Variants in MACROD2 observed in about 807,000 individuals in gnomAD.
The protein encoded by MACROD2 is mono-ADP ribosylhydrolase 2, also known as ADP-ribose glycohydrolase MACROD2.
Under a neutral mutation model 70.4 loss-of-function variants are expected in MACROD2, and 36 were observed. The observed-to-expected ratio is 0.51, with a 90% CI of 0.39 to 0.68. The LOEUF is 0.68. Ranked by LOEUF, MACROD2 falls within the 30% of genes least tolerant of loss-of-function variation. The pLI is 0.00. For missense variants in MACROD2, 496 were observed against 538.4 expected (o/e 0.92, Z 0.78); for synonymous variants, 172 against 178.8 (o/e 0.96, Z 0.30).
Position 14,890,621 on chromosome 20 carries a change from G to A in MACROD2, c.418+205662G>A, listed in dbSNP as rs183627433. 3.1e-3 allele frequency among the ~76,000 whole-genome samples: 471 copies of A among 151,950 alleles called. 3 individuals are homozygous for A. Among genetic ancestry groups the A allele is most frequent in the Admixed American group, 5.5e-3 (84 of 15,230 alleles). ...CCATCTCTATTTAAAAAATAGCCAG[G>A]CATGGTGGCACATTCCTGTCATCCC... On this transcript the variant is annotated intron_variant, in intron 5 of 17. Transcript: ENST00000684519.
intron 4 of MACROD2, among the ~76,000 whole-genome samples, chr20:14,561,377 C>T (rs1979420864): frequency 6.6e-6 from 1 of 151,590 alleles, no homozygotes; most frequent in Non-Finnish European, 1.5e-5. Context: ...GAGTAGAAAC[C>T]ACTGTAAGCT....
intron 5 of MACROD2, among the ~76,000 whole-genome samples, chr20:15,226,364 A>G (rs2076906051): frequency 6.6e-6 from 1 of 152,134 alleles, no homozygotes; most frequent in African/African-American, 2.4e-5. Context: ...GACATTTACC[A>G]TTTCTTGAGC....
intron 3 of MACROD2, among the ~76,000 whole-genome samples, chr20:14,188,348 G>C (rs2081360578): frequency 6.6e-6 from 1 of 151,972 alleles, no homozygotes; most frequent in Non-Finnish European, 1.5e-5. Context: ...TATTTTTTAA[G>C]TGTTGATGAT....
chr20:15,410,071 T>G (rs534466520), intron 6 of MACROD2, among the ~76,000 whole-genome samples: 1 of 152,350 alleles, frequency 6.6e-6, no homozygotes, highest in African/African-American at 2.4e-5. Context: ...TCTTTTTTCC[T>G]TCTAGTTTCT....
chr20:14,863,069 C>G (rs1379786910), intron 5 of MACROD2, among the ~76,000 whole-genome samples: 8 of 151,968 alleles, frequency 5.3e-5, no homozygotes, highest in Admixed American at 5.3e-4. Flanking sequence ...TAGCCATTCT[C>G]CAAGGGTTGG....
At chr20:15,605,453 C>CGTGTGTGTGTGTGTGTGTGTGT (rs57584580) in intron 8 of MACROD2, among the ~76,000 whole-genome samples, 8 of 141,692 alleles carry the variant, frequency 5.6e-5, no homozygotes, top group South Asian at 4.7e-4. Context: ...AGGATGTAAG[C>CGTGTGTGTGTGTGTGTGTGTGT]GTGTGTGTGT....
intron 7 of MACROD2, among the ~76,000 whole-genome samples, chr20:15,465,349 C>T (rs1003189635): frequency 2.0e-5 from 3 of 152,188 alleles, no homozygotes; most frequent in African/African-American, 4.8e-5. Flanking sequence ...AGCATTTAGC[C>T]ACTCAAGCCA....
chr20:15,560,762 C>CA (rs71190190), intron 8 of MACROD2, among the ~76,000 whole-genome samples: 805 of 22,042 alleles, frequency 0.037, 71 homozygotes, highest in African/African-American at 0.069. Context: ...AACAAAGTCT[C>CA]AAAAAAAAAA....
intron 5 of MACROD2, among the ~76,000 whole-genome samples, chr20:14,765,013 C>A (rs886478840): frequency 6.6e-6 from 1 of 152,056 alleles, no homozygotes; most frequent in Non-Finnish European, 1.5e-5. Context: ...CCAAGTGCTG[C>A]CTTACCAGCT....
intron 8 of MACROD2, among the ~76,000 whole-genome samples, chr20:15,654,054 C>T (rs541811997): frequency 2.6e-4 from 39 of 152,222 alleles, no homozygotes; most frequent in African/African-American, 8.4e-4. Context: ...GGTTACCTTG[C>T]GCTTTTCATG....
intron 8 of MACROD2, among the ~76,000 whole-genome samples, chr20:15,630,353 A>G (rs1220289360): frequency 6.6e-6 from 1 of 152,176 alleles, no homozygotes; most frequent in Non-Finnish European, 1.5e-5. Flanking sequence ...TTTCTGCAAA[A>G]ATGTTGTGCA....
intron 3 of MACROD2, among the ~76,000 whole-genome samples, chr20:14,428,621 A>C (rs375397316): frequency 8.5e-5 from 13 of 152,268 alleles, no homozygotes; most frequent in African/African-American, 2.9e-4. Flanking sequence ...TTTGCAATCA[A>C]TGTCGGCAAT....
intron 5 of MACROD2, among the ~76,000 whole-genome samples, chr20:14,697,296 G>T (rs1201513876): frequency 6.6e-6 from 1 of 152,166 alleles, no homozygotes; most frequent in Non-Finnish European, 1.5e-5. Flanking sequence ...TGCCTGAGAA[G>T]AACGATGCCA....
At chr20:14,814,870 C>T (rs1208322735) in intron 5 of MACROD2, among the ~76,000 whole-genome samples, 1 of 151,706 alleles carries the variant, frequency 6.6e-6, no homozygotes, top group East Asian at 1.9e-4. Flanking sequence ...GCTATCAGCT[C>T]TTAAGATGCT....
At chr20:15,886,846 A>G (rs1230807659) in intron 10 of MACROD2, among the ~76,000 whole-genome samples, 1 of 152,172 alleles carries the variant, frequency 6.6e-6, no homozygotes, top group East Asian at 1.9e-4. Flanking sequence ...ATTAAATCAG[A>G]TAACATACCT....
At chr20:14,440,921 G>T (rs988335781) in intron 3 of MACROD2, among the ~76,000 whole-genome samples, 1 of 152,122 alleles carries the variant, frequency 6.6e-6, no homozygotes, top group Non-Finnish European at 1.5e-5. Context: ...ATATAACCCT[G>T]CAGCAGGGCA....
At chr20:14,299,431 A>G (rs1244804875) in intron 3 of MACROD2, among the ~76,000 whole-genome samples, 1 of 152,154 alleles carries the variant, frequency 6.6e-6, no homozygotes, top group Non-Finnish European at 1.5e-5. Flanking sequence ...CTTTATTGGC[A>G]TATTCTCTTT....
intron 5 of MACROD2, among the ~76,000 whole-genome samples, chr20:15,118,599 T>A (rs2327914): frequency 1.3e-5 from 2 of 152,008 alleles, no homozygotes; most frequent in East Asian, 1.9e-4. Context: ...CTTAAAGCAT[T>A]TGTCCTCAGT....
chr20:15,183,253 T>A (rs534482583), intron 5 of MACROD2, among the ~76,000 whole-genome samples: 1 of 152,228 alleles, frequency 6.6e-6, no homozygotes, highest in East Asian at 1.9e-4. Context: ...AATTGGATCT[T>A]GCCAGGTATG....
Sources: gnomAD v4.1 joint callset for allele counts (sites outside exome capture counted in the v4.1 genomes callset) on GRCh38, gnomAD v4.1.1 for gene constraint, MANE v1.5 for transcripts, NCBI Gene and HGNC (gene_info 2026-07-23, HGNC 2026-07-21) for gene names.